Variants in SAMSN1 observed in about 807,000 individuals in gnomAD.
The protein encoded by SAMSN1 is SAM domain-containing protein SAMSN-1.
A neutral mutation model predicts 42.0 loss-of-function variants in SAMSN1; 31 were observed. That is an observed-to-expected ratio of 0.74 (90% CI 0.55 to 1.00). The LOEUF (loss-of-function observed/expected upper bound fraction) is 1.00, where lower values mean the gene tolerates loss of function less well. Among genes scored for constraint, SAMSN1 ranks in the 50% least tolerant of loss-of-function variants. The pLI, the probability that SAMSN1 is intolerant of heterozygous loss-of-function variation, is 0.00. For missense variants in SAMSN1, 464 were observed against 439.4 expected (o/e 1.06, Z -0.50); for synonymous variants, 178 against 151.9 (o/e 1.17, Z -1.26).
At chr21:14,500,958 G>A (rs1568769164) in intron 5 of SAMSN1, among the ~76,000 whole-genome samples, 1 of 152,154 alleles carries the variant, frequency 6.6e-6, no homozygotes, top group Non-Finnish European at 1.5e-5. Context: ...AGGATTGCAT[G>A]AGGCCAGGAG....
chr21:14,577,048 CTTTTTTTTTTT>C (rs991163598), intron 2 of SAMSN1, among the ~76,000 whole-genome samples: 2 of 54,918 alleles, frequency 3.6e-5, no homozygotes, highest in Admixed American at 2.4e-4. Flanking sequence ...GCATCCGTTT[CTTTTTTTTTTT>C]TTTTTTTTTT....
intron 1 of SAMSN1, among the ~76,000 whole-genome samples, chr21:14,654,336 G>A (rs1568844702): frequency 1.3e-5 from 2 of 152,004 alleles, no homozygotes; most frequent in Admixed American, 1.3e-4. Flanking sequence ...AAACTACTGG[G>A]AAAATTATTA....
intron 5 of SAMSN1, among the ~76,000 whole-genome samples, chr21:14,605,094 C>G (rs989076463): frequency 6.6e-6 from 1 of 152,218 alleles, no homozygotes; most frequent in African/African-American, 2.4e-5. Flanking sequence ...CCTTCAAATA[C>G]AGAGGCAGCA....
At position 14,486,044 on chromosome 21, in the gene SAMSN1, CTG is replaced by C. The variant is rs1986421017; in HGVS notation, c.988_989del (p.Gln330ValfsTer3). The C allele has an allele frequency of 6.2e-7, 1 of 1,613,428 alleles. No homozygotes were observed. ...LSSDISLNKS[Q>X]LDDCPRDSGC... ...CAGAGTCCCTTGGGCAGTCATCTAA[CTG>C]TGACTTATTTAAGGAGATGTCTGAG... On this transcript the variant is annotated frameshift_variant, in exon 8 of 8. Transcript: ENST00000400566. LOFTEE classifies it high-confidence loss of function.
At chr21:14,499,767 TTAGA>T (rs1987066904) in intron 6 of SAMSN1, among the ~76,000 whole-genome samples, 1 of 152,046 alleles carries the variant, frequency 6.6e-6, no homozygotes, top group African/African-American at 2.4e-5. Context: ...ATAGGAAGGC[TTAGA>T]TAGTGTGTTT....
In SAMSN1 at chr21:14,512,525, C is replaced by A; in HGVS notation, c.328G>T (p.Val110Leu). ...NAHPYRNSDP[V>L]IGTHTEKVSL... ...ACCTTCTCTGTGTGGGTCCCAATCA[C>A]AGGGTCACTGTTTCTATATGGGTGG... is the stretch of plus-strand genomic sequence containing the variant. The change falls in exon 4 of 8, where the codon GTG (valine) becomes TTG (leucine). Residue 110 changes from valine to leucine, a missense_variant. Val to Leu is a conservative substitution (Grantham distance 32). Coordinates refer to ENST00000400566, the MANE Select transcript of SAMSN1 (RefSeq NM_022136.5). The A allele has an allele frequency of 1.2e-6, 2 of 1,613,976 alleles. No individual in the cohort carries two copies. Among genetic ancestry groups the A allele is most frequent in the Non-Finnish European group, 1.7e-6 (2 of 1,179,856 alleles).
intron 3 of SAMSN1, among the ~76,000 whole-genome samples, chr21:14,515,481 T>A (rs2049860): frequency 0.29 from 43,347 of 152,024 alleles, 6,929 homozygotes; most frequent in Non-Finnish European, 0.35. Context: ...TCCTATATAC[T>A]GTACAGTAAA....
intron 2 of SAMSN1, among the ~76,000 whole-genome samples, chr21:14,620,627 G>T (rs965365524): frequency 6.6e-6 from 1 of 152,178 alleles, no homozygotes; most frequent in African/African-American, 2.4e-5. Flanking sequence ...AAAAAGAATT[G>T]CAAGTAGTCT....
intron 2 of SAMSN1, among the ~76,000 whole-genome samples, chr21:14,557,836 G>T (rs1176130154): frequency 1.3e-5 from 2 of 152,100 alleles, no homozygotes; most frequent in African/African-American, 4.8e-5. Context: ...ACCTGTCCTG[G>T]GATTTTGCTC....
At chr21:14,497,110 T>C (rs1986942335) in intron 7 of SAMSN1, among the ~76,000 whole-genome samples, 2 of 152,134 alleles carry the variant, frequency 1.3e-5, no homozygotes, top group Admixed American at 1.3e-4. Context: ...GTTGGAATCC[T>C]AACTCTACAC....
chr21:14,570,048 T>A (rs894317810), intron 2 of SAMSN1, among the ~76,000 whole-genome samples: 1 of 151,888 alleles, frequency 6.6e-6, no homozygotes. Flanking sequence ...TCAATCATTC[T>A]GGGTTCACAC....
At chr21:14,502,434 G>A (rs1208596092) in intron 5 of SAMSN1, among the ~76,000 whole-genome samples, 1 of 152,088 alleles carries the variant, frequency 6.6e-6, no homozygotes, top group Non-Finnish European at 1.5e-5. Context: ...GTATATACCT[G>A]TGCATTCCAG....
chr21:14,658,174 C>A (rs935323380), intron 1 of SAMSN1, among the ~76,000 whole-genome samples: 2 of 151,618 alleles, frequency 1.3e-5, no homozygotes, highest in African/African-American at 4.8e-5. Context: ...CCACTTCAGG[C>A]TAAGGAAAAA....
intron 7 of SAMSN1, among the ~76,000 whole-genome samples, chr21:14,489,756 C>T (rs528842504): frequency 2.0e-5 from 3 of 151,930 alleles, no homozygotes; most frequent in South Asian, 4.2e-4. Flanking sequence ...AATTTATTTC[C>T]TACCAAAATT....
intron 2 of SAMSN1, among the ~76,000 whole-genome samples, chr21:14,617,582 A>G (rs952247205): frequency 2.0e-5 from 3 of 152,292 alleles, no homozygotes; most frequent in African/African-American, 7.2e-5. Context: ...AATAGTCAAA[A>G]TCCATCATCC....
upstream of SAMSN1, among the ~76,000 whole-genome samples, chr21:14,586,066 C>A (rs1981905741): frequency 6.6e-6 from 1 of 151,514 alleles, no homozygotes; most frequent in Non-Finnish European, 1.5e-5. Context: ...AGATGGAGAC[C>A]ATCCTGGCCA....
rs1330838695 is a variant in SAMSN1, at chr21:14,500,608, T to C, written c.689A>G (p.Lys230Arg). The C allele has an allele frequency of 9.9e-6, 16 of 1,614,190 alleles. No homozygotes were observed. The highest frequency in any genetic ancestry group is 1.4e-5 in the Non-Finnish European group (16 of 1,180,022). ...ACTCCTTCGGTTTGCCTTTATTTTC[T>C]TGGGGGCTGCTTCCTCTTCTGAGAT... ...DVISEEEAAP[K>R]KIKANRRSNS... is the part of the protein sequence containing the mutation. The change falls in exon 6 of 8, where the codon AAG (lysine) becomes AGG (arginine). Residue 230 changes from lysine to arginine, a missense_variant. Coordinates refer to ENST00000400566, the MANE Select transcript of SAMSN1 (RefSeq NM_022136.5).
intron 6 of SAMSN1, chr21:14,598,141 G>T (rs929202990): frequency 1.3e-5 from 2 of 152,024 alleles, no homozygotes; most frequent in Admixed American, 6.6e-5. Flanking sequence ...AAAATGTTTT[G>T]GTTCAGTCCT....
At chr21:14,620,457 C>A (rs752390664) in intron 2 of SAMSN1, among the ~76,000 whole-genome samples, 1 of 152,212 alleles carries the variant, frequency 6.6e-6, no homozygotes, top group Non-Finnish European at 1.5e-5. Flanking sequence ...GCCTCCCTCA[C>A]AGTGGTTTGA....
Sources: gnomAD v4.1 joint callset for allele counts (sites outside exome capture counted in the v4.1 genomes callset) on GRCh38, gnomAD v4.1.1 for gene constraint, MANE v1.5 for transcripts, NCBI Gene and HGNC (gene_info 2026-07-23, HGNC 2026-07-21) for gene names.